The following CPNE2 variants were observed in gnomAD, a reference collection of about 807,000 sequenced individuals.
CPNE2 encodes the protein copine 2, also known as copine-2.
A neutral mutation model predicts 69.7 loss-of-function variants in CPNE2; 42 were observed. The ratio of observed to expected loss-of-function variants is 0.60; its 90% CI spans 0.47 to 0.78. The LOEUF is 0.78. Ranked by LOEUF, CPNE2 falls within the 30% of genes least tolerant of loss-of-function variation. The probability of loss-of-function intolerance (pLI) is 0.00; values close to 1 mark genes in which losing one functional copy is unlikely to be tolerated. For missense variants in CPNE2, 587 were observed against 732.0 expected (o/e 0.80, Z 2.29); for synonymous variants, 294 against 289.8 (o/e 1.01, Z -0.15).
At chr16:57,114,934 CAAAAAAAAAAAAAA>C (rs55845635) in intron 3 of CPNE2, among the ~76,000 whole-genome samples, 6 of 39,050 alleles carry the variant, frequency 1.5e-4, no homozygotes, top group African/African-American at 5.5e-4. Context: ...TTGTCTCTAC[CAAAAAAAAAAAAAA>C]AAAAAAAAAA....
chr16:57,117,041 C>G (rs1296385657), intron 4 of CPNE2, among the ~76,000 whole-genome samples: 2 of 152,094 alleles, frequency 1.3e-5, no homozygotes, highest in South Asian at 2.1e-4. Context: ...TGATGGGACT[C>G]AGTTTCTCCC....
intron 5 of CPNE2, among the ~76,000 whole-genome samples, chr16:57,118,674 A>ATGGG (rs2069738307): frequency 1.3e-5 from 2 of 151,594 alleles, no homozygotes; most frequent in South Asian, 4.2e-4. Context: ...GGATGGATGG[A>ATGGG]TGGATGGATG....
At chr16:57,134,753 C>T (rs1409071215) in intron 12 of CPNE2, 22 bp from the exon 13 acceptor site, 1 of 1,613,786 alleles carries the variant, frequency 6.2e-7, no homozygotes, top group Non-Finnish European at 8.5e-7. Context: ...GGCTGCAGCT[C>T]AGCGTTTTCT....
intron 1 of CPNE2, among the ~76,000 whole-genome samples, chr16:57,097,275 T>C (rs1479568513): frequency 6.6e-6 from 1 of 152,140 alleles, no homozygotes; most frequent in African/African-American, 2.4e-5. Flanking sequence ...TTCCCCCAAC[T>C]CCATCCCGAA....
At chr16:57,137,092 G>A (rs2069886997) in intron 13 of CPNE2, 57 bp from the exon 14 acceptor site, 14 of 1,594,244 alleles carry the variant, frequency 8.8e-6, no homozygotes, top group Non-Finnish European at 1.1e-5. Flanking sequence ...GCAGTGAGAT[G>A]AGAGTGGGTA....
chr16:57,139,665 C>T (rs745791068), intron 14 of CPNE2, among the ~76,000 whole-genome samples: 27 of 152,134 alleles, frequency 1.8e-4, no homozygotes, highest in Non-Finnish European at 3.5e-4. Context: ...TGATTTCTTT[C>T]GCTGTCATAA....
chr16:57,137,163 G>C lies in CPNE2; in HGVS notation c.1183G>C (p.Ala395Pro), dbSNP rs1272398790. 3.7e-6 allele frequency: 6 copies of C among 1,614,030 alleles called. No individual in the cohort carries two copies. The highest frequency in any genetic ancestry group is 5.1e-6 in the Non-Finnish European group (6 of 1,180,024). The change falls in exon 14 of 16, where the codon GCC (alanine) becomes CCC (proline). Residue 395 changes from alanine to proline, a missense_variant. This residue lies in a region of CPNE2 where 185 missense variants were observed against 252.3 expected (regional missense o/e 0.73). Coordinates refer to ENST00000290776, the MANE Select transcript of CPNE2 (RefSeq NM_152727.6). ...TCCCGAGGCAGGTGTGGATGGTATT[G>C]CCCAGGCGTACTCAGCTTGCCTGCC... ...NPFCSGVDGI[A>P]QAYSACLPHI...
intron 1 of CPNE2, among the ~76,000 whole-genome samples, chr16:57,099,184 G>A (rs2069597446): frequency 6.6e-6 from 1 of 152,146 alleles, no homozygotes; most frequent in African/African-American, 2.4e-5. Context: ...ATGTTTAAGG[G>A]CACCTAAGTG....
chr16:57,139,797 G>T (rs2069908348), intron 14 of CPNE2, among the ~76,000 whole-genome samples: 2 of 152,118 alleles, frequency 1.3e-5, no homozygotes, highest in Admixed American at 6.5e-5. Context: ...GGAGTGGCGG[G>T]TGCCAGGGTT....
At chr16:57,141,191 G>C (rs1431986680) in intron 14 of CPNE2, 1 of 152,494 alleles carries the variant, frequency 6.6e-6, no homozygotes, top group Non-Finnish European at 1.5e-5. Context: ...AGGTGGGTCT[G>C]TGTCTGCTGG....
At chr16:57,093,476 G>T (rs1394141848) in intron 1 of CPNE2, among the ~76,000 whole-genome samples, 4 of 152,094 alleles carry the variant, frequency 2.6e-5, no homozygotes, top group African/African-American at 7.2e-5. Context: ...AAAATAGAGG[G>T]GTCTTACACC....
chr16:57,095,168 C>A (rs1206524632), intron 1 of CPNE2, among the ~76,000 whole-genome samples: 1 of 152,262 alleles, frequency 6.6e-6, no homozygotes, highest in Non-Finnish European at 1.5e-5. Context: ...TCCCCCAACC[C>A]TGCCAGACAC....
intron 1 of CPNE2, chr16:57,093,993 C>T (rs1463383927): frequency 4.4e-6 from 2 of 455,414 alleles, no homozygotes; most frequent in Admixed American, 2.4e-5. Context: ...CTCTGGGTCA[C>T]CATCTGTGAA....
Position 57,110,737 on chromosome 16 carries a change from G to T in CPNE2, c.-6G>T. The T allele has an allele frequency of 6.3e-7, 1 of 1,595,892 alleles. No individual in the cohort carries two copies. The highest frequency in any genetic ancestry group is 8.5e-7 in the Non-Finnish European group (1 of 1,170,462). ...CCAGGAACTCCTGCCACCGCCACCG[G>T]CTCCCATGGCCCACATACCCAGTGG... On this transcript the variant is annotated 5_prime_UTR_variant, in exon 2 of 16. Coordinates refer to ENST00000290776, the MANE Select transcript of CPNE2 (RefSeq NM_152727.6).
At chr16:57,107,689 C>T (rs62037305) in intron 1 of CPNE2, among the ~76,000 whole-genome samples, 22 of 152,220 alleles carry the variant, frequency 1.4e-4, no homozygotes, top group South Asian at 1.0e-3. Context: ...CTTTTAAAAA[C>T]GCAAATCAGA....
intron 4 of CPNE2, among the ~76,000 whole-genome samples, chr16:57,116,685 C>G (rs1398635401): frequency 3.3e-5 from 5 of 152,170 alleles, no homozygotes; most frequent in African/African-American, 1.2e-4. Flanking sequence ...CATCCCGTCC[C>G]CTGGGAAATG....
At chr16:57,143,120 G>A (rs1483606911) in intron 14 of CPNE2, 1 of 152,282 alleles carries the variant, frequency 6.6e-6, no homozygotes, top group African/African-American at 2.4e-5. Flanking sequence ...TCCATCTACA[G>A]CCCCTTCCCC....
chr16:57,117,613 A>C, intron 5 of CPNE2, 46 bp downstream of exon 5: 2 of 1,597,920 alleles, frequency 1.3e-6, no homozygotes. Flanking sequence ...AGTAGCCCCC[A>C]CCAGCCCCAG....
In CPNE2 at chr16:57,133,992, G is replaced by A. The variant is rs536663963; in HGVS notation, c.1117-783G>A. ...CTGTCCCCCATCTGAGCTCTGCAGC[G>A]TCTCCCGAGGCCTTGGGTTCTGCAG... On this transcript the variant is annotated intron_variant, in intron 12 of 15. Coordinates refer to ENST00000290776, the MANE Select transcript of CPNE2 (RefSeq NM_152727.6). Among the ~76,000 whole-genome samples, 96 of 152,318 alleles carry A rather than the reference G, an allele frequency of 6.3e-4. 1 individual carries two copies. The South Asian group carries it at 0.016, about 25-fold the overall frequency.
Sources: allele counts gnomAD v4.1 joint callset (sites outside exome capture counted in the v4.1 genomes callset), GRCh38; gene constraint gnomAD v4.1.1; regional missense constraint gnomAD v4.1.1; transcripts MANE v1.5; gene names NCBI Gene and HGNC (gene_info 2026-07-23, HGNC 2026-07-21).